Variants in DYNAP observed in about 807,000 individuals in gnomAD.
The protein encoded by DYNAP is dynactin-associated protein.
DYNAP carries 7 observed loss-of-function variants against 8.5 expected under a neutral mutation model. The observed-to-expected ratio is 0.82, with a 90% confidence interval of 0.47 to 1.54. The LOEUF (loss-of-function observed/expected upper bound fraction) is 1.54, where lower values mean the gene tolerates loss of function less well. Ranked by LOEUF, DYNAP falls within the 40% of genes most tolerant of loss-of-function variation. DYNAP has a pLI of 0.01. For missense variants in DYNAP, 256 were observed against 224.3 expected (o/e 1.14, Z -0.90); for synonymous variants, 77 against 77.9 (o/e 0.99, Z 0.06).
upstream of DYNAP, among the ~76,000 whole-genome samples, chr18:54,585,593 T>C (rs1001610474): frequency 6.6e-6 from 1 of 152,194 alleles, no homozygotes; most frequent in Non-Finnish European, 1.5e-5. Context: ...TTCCAAACTG[T>C]CACCAGCTTC....
the DYNAP span, among the ~76,000 whole-genome samples, chr18:54,582,024 C>T: frequency 1.6e-3 from 251 of 152,290 alleles, 3 homozygotes; most frequent in African/African-American, 5.7e-3. Context: ...CGATGGCTCA[C>T]GCCTGTAATC....
chr18:54,584,944 G>A (rs1910826100), upstream of DYNAP, among the ~76,000 whole-genome samples: 1 of 152,206 alleles, frequency 6.6e-6, no homozygotes, highest in Admixed American at 6.5e-5. Flanking sequence ...TGTGGGCCGT[G>A]AGAAGACTTT....
chr18:54,590,944 C>T (rs1213931425), upstream of DYNAP, among the ~76,000 whole-genome samples: 1 of 152,078 alleles, frequency 6.6e-6, no homozygotes, highest in Non-Finnish European at 1.5e-5. Flanking sequence ...GAACGTTTTT[C>T]TGGGGTCGGT....
chr18:54,598,155 C>T lies in DYNAP; in HGVS notation c.*10C>T. ...TACCGATCATTTATAATTTGAACAGCCATAGCCATCACTTCAACTGAAACT... is the reference window on the plus strand; with the variant it reads ...TACCGATCATTTATAATTTGAACAGTCATAGCCATCACTTCAACTGAAACT... On this transcript the variant is annotated 3_prime_UTR_variant, in exon 3 of 3. Transcript: ENST00000648945. 1 of 1,590,708 alleles carries T rather than the reference C, an allele frequency of 6.3e-7. No individual in the cohort carries two copies. The highest frequency in any genetic ancestry group is 1.7e-4 in the Middle Eastern group (1 of 5,950).
In DYNAP at chr18:54,597,783, C is replaced by T. The variant is rs1339623071; in HGVS notation, c.223-30C>T. On this transcript the variant is annotated intron_variant, in intron 2 of 2. Transcript: ENST00000648945. ...ATAAATTACAAGCATTTTTGTTTTT[C>T]ATTGCTGATATTTTTATATACATGC... is the stretch of plus-strand genomic sequence containing the variant. The T allele has an allele frequency of 8.4e-6, 13 of 1,556,814 alleles. No individual in the cohort carries two copies. The Admixed American group carries it at 2.0e-4, about 23-fold the overall frequency.
At chr18:54,578,953 C>G in the DYNAP span, among the ~76,000 whole-genome samples, 1 of 152,070 alleles carries the variant, frequency 6.6e-6, no homozygotes, top group Non-Finnish European at 1.5e-5. Flanking sequence ...GTGCCCACCA[C>G]CATGCCCGGC....
upstream of DYNAP, among the ~76,000 whole-genome samples, chr18:54,590,952 G>A (rs570911489): frequency 5.3e-5 from 8 of 152,172 alleles, no homozygotes; most frequent in East Asian, 5.8e-4. Flanking sequence ...TTCTGGGGTC[G>A]GTCCTAAAAT....
upstream of DYNAP, among the ~76,000 whole-genome samples, chr18:54,585,773 T>C (rs1468826571): frequency 1.3e-5 from 2 of 152,194 alleles, no homozygotes; most frequent in Non-Finnish European, 2.9e-5. Context: ...CATTGTTCCA[T>C]ATCCAAACCT....
the DYNAP span, among the ~76,000 whole-genome samples, chr18:54,579,290 G>T: frequency 2.6e-5 from 4 of 152,192 alleles, no homozygotes; most frequent in South Asian, 2.1e-4. Flanking sequence ...GCTGGCTTCA[G>T]CTACTTTAGA....
intron 2 of DYNAP, among the ~76,000 whole-genome samples, chr18:54,597,362 A>C (rs896662671): frequency 4.6e-5 from 7 of 152,098 alleles, no homozygotes; most frequent in Non-Finnish European, 8.8e-5. Flanking sequence ...AGTGTACACC[A>C]ACAAGAGTGA....
upstream of DYNAP, among the ~76,000 whole-genome samples, chr18:54,585,430 C>T (rs926466605): frequency 6.6e-6 from 1 of 151,946 alleles, no homozygotes; most frequent in Non-Finnish European, 1.5e-5. Context: ...TTTACTCTAC[C>T]TCCAGACCAC....
At chr18:54,586,102 A>G (rs953718447), upstream of DYNAP, among the ~76,000 whole-genome samples, 1 of 152,122 alleles carries the variant, frequency 6.6e-6, no homozygotes, top group Non-Finnish European at 1.5e-5. Context: ...CCCATCTTTT[A>G]AACCTGACAT....
At position 54,598,469 on chromosome 18, in the gene DYNAP, C is replaced by G; in HGVS notation, c.*324C>G. 1 of 254,742 alleles carries G rather than the reference C, an allele frequency of 3.9e-6. No individual in the cohort carries two copies. 15.8% of individuals were successfully genotyped at this position (254,742 alleles called of 1,614,324 possible). A position where few individuals can be genotyped will look rare whatever the true frequency, so the allele number is the denominator to read the frequency against. On this transcript the variant is annotated 3_prime_UTR_variant, in exon 3 of 3. Coordinates refer to ENST00000648945, the MANE Select transcript of DYNAP (RefSeq NM_173629.3). The stretch of plus-strand genomic sequence containing the variant: ...GCCTACAGTAACAATGCTCATCACT[C>G]TTTTCCAACAATGTATAATCTCCAC...
chr18:54,576,227 G>A, the DYNAP span, among the ~76,000 whole-genome samples: 3 of 152,006 alleles, frequency 2.0e-5, no homozygotes, highest in African/African-American at 4.8e-5. Flanking sequence ...GTCTGTTTTG[G>A]ACATATACAC....
the DYNAP span, among the ~76,000 whole-genome samples, chr18:54,577,121 A>G: frequency 6.6e-6 from 1 of 152,242 alleles, no homozygotes; most frequent in Non-Finnish European, 1.5e-5. Flanking sequence ...TCTCTAAGGC[A>G]AAATGGAAGA....
chr18:54,587,759 G>C, upstream of DYNAP: 1 of 399,714 alleles, frequency 2.5e-6, no homozygotes, highest in Non-Finnish European at 4.4e-6. Flanking sequence ...CTCCATATAG[G>C]AGGATCAGGG....
At chr18:54,588,689 G>C (rs902271429), upstream of DYNAP, among the ~76,000 whole-genome samples, 41 of 152,000 alleles carry the variant, frequency 2.7e-4, no homozygotes, top group Admixed American at 2.7e-3. Flanking sequence ...CTTAAATACT[G>C]TTTCATTACT....
the DYNAP span, among the ~76,000 whole-genome samples, chr18:54,576,785 A>G: frequency 6.8e-6 from 1 of 146,772 alleles, no homozygotes; most frequent in South Asian, 2.3e-4. Context: ...CCTTGGTGAC[A>G]GAGTGAGATC....
chr18:54,591,013 ATG>A, upstream of DYNAP: 1 of 446,072 alleles, frequency 2.2e-6, no homozygotes, highest in Non-Finnish European at 3.9e-6. Flanking sequence ...CGGAACAATA[ATG>A]TAAGGTTTTC....
Sources: gnomAD v4.1 joint callset for allele counts (sites outside exome capture counted in the v4.1 genomes callset) on GRCh38, gnomAD v4.1.1 for gene constraint, MANE v1.5 for transcripts, NCBI Gene and HGNC (gene_info 2026-07-23, HGNC 2026-07-21) for gene names.